TBC1D22A: variants seen among roughly 807,000 people sequenced by gnomAD.
TBC1D22A encodes the protein putative GTPase activator.
Under a neutral mutation model 60.2 loss-of-function variants are expected in TBC1D22A, and 38 were observed. The observed-to-expected ratio is 0.63, with a 90% CI of 0.49 to 0.83. The LOEUF is 0.83. Ranked by LOEUF, TBC1D22A falls within the 40% of genes least tolerant of loss-of-function variation. The probability of loss-of-function intolerance (pLI) is 0.00; values close to 1 mark genes in which losing one functional copy is unlikely to be tolerated. For synonymous variants in TBC1D22A, 302 were observed against 281.7 expected (o/e 1.07, Z -0.72); for missense variants, 628 against 701.0 (o/e 0.90, Z 1.18).
rs373672790 is a variant in TBC1D22A at position 46,886,008 on chromosome 22, C to CA, written c.709-5258_709-5257insA. ...CTGCACGCTCCGCCTCCCAGGTTCACGCCATTCTCCTACCACAGCTTCCCG... is the reference window on the plus strand; with the variant it reads ...CTGCACGCTCCGCCTCCCAGGTTCACAGCCATTCTCCTACCACAGCTTCCCG... On this transcript the variant is annotated intron_variant, in intron 5 of 12. Transcript: ENST00000337137. Among the ~76,000 whole-genome samples the CA allele has an allele frequency of 9.2e-4, 139 of 151,436 alleles. 2 individuals carry two copies. The highest frequency in any genetic ancestry group is 3.4e-3 in the Middle Eastern group (1 of 292).
intron 4 of TBC1D22A, among the ~76,000 whole-genome samples, chr22:46,860,982 A>G (rs1486450260): frequency 8.6e-6 from 1 of 115,892 alleles, no homozygotes; most frequent in Non-Finnish European, 1.8e-5. Flanking sequence ...ATAATAAATT[A>G]ATTTTTTTTT....
chr22:47,089,389 C>G (rs946950865), intron 11 of TBC1D22A, among the ~76,000 whole-genome samples: 2 of 152,258 alleles, frequency 1.3e-5, no homozygotes, highest in Admixed American at 1.3e-4. Flanking sequence ...AAATATTGAT[C>G]ATTGTGGATC....
intron 5 of TBC1D22A, among the ~76,000 whole-genome samples, chr22:46,886,707 A>C (rs1456455509): frequency 6.6e-6 from 1 of 152,250 alleles, no homozygotes; most frequent in East Asian, 1.9e-4. Flanking sequence ...GATGGAAGCC[A>C]GTGTCACCTT....
chr22:46,788,227 C>T (rs568820839), intron 1 of TBC1D22A, among the ~76,000 whole-genome samples: 7 of 152,224 alleles, frequency 4.6e-5, no homozygotes, highest in East Asian at 1.9e-4. Context: ...TGAGCCACCA[C>T]GCCCGGCCAG....
chr22:46,919,444 A>G (rs1320282581), intron 8 of TBC1D22A, among the ~76,000 whole-genome samples: 1 of 152,104 alleles, frequency 6.6e-6, no homozygotes, highest in African/African-American at 2.4e-5. Context: ...TTCGACTAAT[A>G]TTGTTTCCAT....
intron 9 of TBC1D22A, among the ~76,000 whole-genome samples, chr22:46,985,410 C>G (rs2074685802): frequency 6.6e-6 from 1 of 152,098 alleles, no homozygotes; most frequent in Admixed American, 6.5e-5. Context: ...ATTGAGGACT[C>G]CTGCCAAGAT....
rs182309889 is a variant in TBC1D22A, at chr22:46,791,981, C to T, written c.63-539C>T. Among the ~76,000 whole-genome samples, 503 of 152,252 alleles carry T rather than the reference C, an allele frequency of 3.3e-3. 4 individuals are homozygous for T. The highest frequency in any genetic ancestry group is 0.011 in the African/African-American group (476 of 41,554). On this transcript the variant is annotated intron_variant, in intron 1 of 12. Transcript: ENST00000337137. ...TCACCATGTTTGCCAGGCTGGTCTC[C>T]AACTCCTGACTTCAGGTGATCCGCC...
At chr22:46,874,130 C>G (rs989839215) in intron 4 of TBC1D22A, among the ~76,000 whole-genome samples, 1 of 152,072 alleles carries the variant, frequency 6.6e-6, no homozygotes, top group African/African-American at 2.4e-5. Flanking sequence ...CTTTTTATGG[C>G]TGCATAGTAT....
intron 11 of TBC1D22A, among the ~76,000 whole-genome samples, chr22:47,085,055 G>A (rs1197729078): frequency 3.9e-5 from 6 of 152,176 alleles, no homozygotes; most frequent in Admixed American, 6.5e-5. Flanking sequence ...TAAGGCAGGC[G>A]GATCGCCTGA....
chr22:46,842,933 T>C (rs2086834078), intron 4 of TBC1D22A, among the ~76,000 whole-genome samples: 2 of 152,128 alleles, frequency 1.3e-5, no homozygotes. Context: ...CTGCGGCCCA[T>C]GTTCATGAGG....
intron 4 of TBC1D22A, among the ~76,000 whole-genome samples, chr22:46,821,053 CTTTT>C (rs139587): frequency 7.3e-5 from 9 of 123,920 alleles, no homozygotes; most frequent in East Asian, 2.4e-4. Flanking sequence ...GCAACCCCTG[CTTTT>C]TTTTTTTTTT....
intron 8 of TBC1D22A, among the ~76,000 whole-genome samples, chr22:46,944,556 G>A (rs374313260): frequency 2.6e-5 from 4 of 152,070 alleles, no homozygotes; most frequent in Admixed American, 6.5e-5. Context: ...CCGCCACCAT[G>A]CCCGGCTAAT....
chr22:46,847,899 TAGTC>T (rs1327836248), intron 4 of TBC1D22A, among the ~76,000 whole-genome samples: 2 of 151,048 alleles, frequency 1.3e-5, no homozygotes, highest in Non-Finnish European at 2.9e-5. Flanking sequence ...CCTAGAGAAA[TAGTC>T]AAGGTACCCT....
At chr22:47,116,438 T>A (rs2066058675) in intron 12 of TBC1D22A, 1 of 152,410 alleles carries the variant, frequency 6.6e-6, no homozygotes, top group Admixed American at 6.5e-5. Flanking sequence ...GTCTGATCAG[T>A]GAGTGCGCCA....
chr22:47,097,766 A>C (rs906047041), intron 11 of TBC1D22A, among the ~76,000 whole-genome samples: 17 of 152,244 alleles, frequency 1.1e-4, no homozygotes, highest in Middle Eastern at 3.4e-3. Context: ...CTTTTACATC[A>C]TTTCCAAAAG....
chr22:46,783,310 T>C (rs182661052), intron 1 of TBC1D22A, among the ~76,000 whole-genome samples: 1 of 152,340 alleles, frequency 6.6e-6, no homozygotes, highest in East Asian at 1.9e-4. Flanking sequence ...TTGACCCTTC[T>C]GGAGAGTAAG....
At chr22:47,000,952 A>G (rs2061386535) in intron 10 of TBC1D22A, among the ~76,000 whole-genome samples, 2 of 152,190 alleles carry the variant, frequency 1.3e-5, no homozygotes, top group South Asian at 4.1e-4. Flanking sequence ...GCCCAGCTCT[A>G]AAGCCACCAG....
intron 3 of TBC1D22A, among the ~76,000 whole-genome samples, chr22:46,795,205 C>T (rs773354988): frequency 3.3e-5 from 5 of 152,248 alleles, no homozygotes; most frequent in Non-Finnish European, 7.3e-5. Flanking sequence ...CCGCCTTCTG[C>T]AGGCCCAGTC....
At chr22:46,914,863 G>A (rs1037171550) in intron 8 of TBC1D22A, 2 of 157,174 alleles carry the variant, frequency 1.3e-5, no homozygotes, top group Admixed American at 6.0e-5. Flanking sequence ...CTTAATTAAA[G>A]TAATTAACAT....
Sources: allele counts gnomAD v4.1 joint callset (sites outside exome capture counted in the v4.1 genomes callset), GRCh38; gene constraint gnomAD v4.1.1; transcripts MANE v1.5; gene names NCBI Gene and HGNC (gene_info 2026-07-23, HGNC 2026-07-21).